CTNND2: variants seen among roughly 807,000 people sequenced by gnomAD.
CTNND2 encodes the protein catenin delta-2.
CTNND2 carries 22 observed loss-of-function variants against 144.4 expected under a neutral mutation model. The observed-to-expected ratio is 0.15, with a 90% CI of 0.11 to 0.22. CTNND2 has a LOEUF of 0.22. Ranked by LOEUF, CTNND2 falls within the 10% of genes least tolerant of loss-of-function variation. The pLI is 1.00. For missense variants in CTNND2, 1,353 were observed against 1,618.8 expected (o/e 0.84, Z 2.82); for synonymous variants, 751 against 695.6 (o/e 1.08, Z -1.25).
In CTNND2 at chr5:11,018,067, GAA is replaced by G. The variant is rs763805170; in HGVS notation, c.3000-11_3000-10del. 3 of 1,603,312 alleles carry G rather than the reference GAA, an allele frequency of 1.9e-6. No individual in the cohort carries two copies. In the South Asian group the frequency reaches 3.3e-5, roughly 18 times the overall value. On this transcript the variant is annotated splice_polypyrimidine_tract_variant and intron_variant, in intron 17 of 21. Transcript: ENST00000304623. ...CCACTTTTGGAGAGTGTCTGATGAAGAAAAGACAGGAAAGGCAAGATGTGAGT... is the reference window on the plus strand; with the variant it reads ...CCACTTTTGGAGAGTGTCTGATGAAGAAGACAGGAAAGGCAAGATGTGAGT...
intron 21 of CTNND2, among the ~76,000 whole-genome samples, chr5:10,974,809 A>C (rs1029249373): frequency 1.3e-5 from 2 of 152,194 alleles, no homozygotes; most frequent in African/African-American, 4.8e-5. Flanking sequence ...ATAGATAATG[A>C]TTTGTAATTA....
chr5:11,290,792 G>A (rs566786223), intron 9 of CTNND2, among the ~76,000 whole-genome samples: 123 of 152,208 alleles, frequency 8.1e-4, no homozygotes, highest in African/African-American at 2.9e-3. Context: ...CAAAATCTGA[G>A]TCTTTTTAAA....
chr5:11,257,644 G>T (rs1184784862), intron 9 of CTNND2, among the ~76,000 whole-genome samples: 1 of 152,134 alleles, frequency 6.6e-6, no homozygotes. Context: ...CCTCCCACTA[G>T]GTTTCTCCCA....
chr5:11,436,920 G>A (rs1159948520), intron 3 of CTNND2, among the ~76,000 whole-genome samples: 1 of 152,174 alleles, frequency 6.6e-6, no homozygotes, highest in Admixed American at 6.5e-5. Context: ...CAAATGGAAA[G>A]GAAGAGTATC....
chr5:11,197,349 C>T lies in CTNND2; in HGVS notation c.1975+2099G>A, dbSNP rs529282711. Among the ~76,000 whole-genome samples the T allele has an allele frequency of 6.6e-4, 100 of 152,344 alleles. 1 individual carries two copies. Among genetic ancestry groups the T allele is most frequent in the South Asian group, 2.7e-3 (13 of 4,832 alleles). On this transcript the variant is annotated intron_variant, in intron 11 of 21. Transcript: ENST00000304623. Reference sequence around the variant, plus strand: ...AAGTAACAACCACTGTCCATCTTAACGGATGTGGCTATCACGGCAAAAGAC... The same window carrying T: ...AAGTAACAACCACTGTCCATCTTAATGGATGTGGCTATCACGGCAAAAGAC...
At chr5:11,241,941 T>C (rs1340434868) in intron 9 of CTNND2, among the ~76,000 whole-genome samples, 2 of 151,014 alleles carry the variant, frequency 1.3e-5, no homozygotes, top group African/African-American at 2.4e-5. Context: ...GGGGGGTCGG[T>C]TATTTGGGAA....
intron 9 of CTNND2, among the ~76,000 whole-genome samples, chr5:11,251,172 T>C (rs553381320): frequency 1.2e-3 from 188 of 152,330 alleles, no homozygotes; most frequent in African/African-American, 4.2e-3. Flanking sequence ...GCTGCTTGAC[T>C]TTATAGAACT....
At chr5:11,790,942 T>C (rs532181584) in intron 1 of CTNND2, among the ~76,000 whole-genome samples, 7 of 152,202 alleles carry the variant, frequency 4.6e-5, no homozygotes, top group Admixed American at 1.3e-4. Flanking sequence ...TTTGCAGACA[T>C]AACTGGTTCA....
chr5:11,782,953 T>C (rs1466141767), intron 1 of CTNND2, among the ~76,000 whole-genome samples: 1 of 152,196 alleles, frequency 6.6e-6, no homozygotes, highest in Non-Finnish European at 1.5e-5. Context: ...AGTTCTCTTT[T>C]GGTGCTGGTC....
At chr5:11,879,354 T>TATATATATATATATATATACAC (rs1169270632) in intron 1 of CTNND2, among the ~76,000 whole-genome samples, 1 of 139,728 alleles carries the variant, frequency 7.2e-6, no homozygotes, top group Non-Finnish European at 1.6e-5. Flanking sequence ...TATATATATA[T>TATATATATATATATATATACAC]ATACATATAC....
chr5:11,751,466 T>G (rs1788615362), intron 1 of CTNND2, among the ~76,000 whole-genome samples: 1 of 151,844 alleles, frequency 6.6e-6, no homozygotes, highest in African/African-American at 2.4e-5. Flanking sequence ...ACCTTCCACT[T>G]ATAAGTGAGA....
chr5:11,202,529 T>A (rs796504632), intron 10 of CTNND2, among the ~76,000 whole-genome samples: 41 of 152,338 alleles, frequency 2.7e-4, no homozygotes, highest in African/African-American at 9.6e-4. Context: ...TATCTAAGAA[T>A]GTGAGAACCC....
At chr5:11,310,506 T>C (rs758638290) in intron 9 of CTNND2, among the ~76,000 whole-genome samples, 1 of 151,934 alleles carries the variant, frequency 6.6e-6, no homozygotes, top group Admixed American at 6.6e-5. Context: ...ATCCTACACG[T>C]TAAAATCACT....
At chr5:11,011,902 GA>G (rs1476480734) in intron 18 of CTNND2, among the ~76,000 whole-genome samples, 3 of 152,308 alleles carry the variant, frequency 2.0e-5, no homozygotes, top group African/African-American at 7.2e-5. Flanking sequence ...TGGGAAAGCA[GA>G]AAGACAGTGG....
In CTNND2 at chr5:11,262,000, T is replaced by C. The variant is rs79466195; in HGVS notation, c.1629-25177A>G. Among the ~76,000 whole-genome samples the C allele has an allele frequency of 2.8e-3, 428 of 152,286 alleles. 1 individual carries two copies. Among genetic ancestry groups the C allele is most frequent in the South Asian group, 9.5e-3 (46 of 4,828 alleles). Reference sequence around the variant, plus strand: ...GAGTCAAAACATATCTACGCCTTAGTTATTTATTTCATAATTTATCTATTA... The same window carrying C: ...GAGTCAAAACATATCTACGCCTTAGCTATTTATTTCATAATTTATCTATTA... On this transcript the variant is annotated intron_variant, in intron 9 of 21. Transcript: ENST00000304623.
intron 2 of CTNND2, among the ~76,000 whole-genome samples, chr5:11,662,264 T>G (rs1783303261): frequency 7.7e-6 from 1 of 130,574 alleles, no homozygotes. Flanking sequence ...TGTATATATG[T>G]GTGTGTGTGT....
intron 1 of CTNND2, among the ~76,000 whole-genome samples, chr5:11,859,495 T>G (rs1489291480): frequency 6.6e-6 from 1 of 152,014 alleles, no homozygotes; most frequent in Admixed American, 6.6e-5. Context: ...CAAGTTCATG[T>G]ATCATCTGGA....
At chr5:11,387,503 A>G (rs1022394506) in intron 6 of CTNND2, among the ~76,000 whole-genome samples, 3 of 152,140 alleles carry the variant, frequency 2.0e-5, no homozygotes, top group African/African-American at 7.2e-5. Flanking sequence ...TAAGCTGCAG[A>G]CATTTTTCTT....
chr5:10,980,822 C>T (rs1427460163), intron 21 of CTNND2, among the ~76,000 whole-genome samples: 1 of 152,096 alleles, frequency 6.6e-6, no homozygotes, highest in Non-Finnish European at 1.5e-5. Flanking sequence ...ACTGCATGTT[C>T]TCACTCATAA....
Sources: gnomAD v4.1 joint callset for allele counts (sites outside exome capture counted in the v4.1 genomes callset) on GRCh38, gnomAD v4.1.1 for gene constraint, MANE v1.5 for transcripts, NCBI Gene and HGNC (gene_info 2026-07-23, HGNC 2026-07-21) for gene names.